Variants in OR4K17 observed in about 807,000 individuals in gnomAD.
OR4K17 encodes olfactory receptor 4K17.
For synonymous variants in OR4K17, 157 were observed against 132.8 expected, an observed-to-expected ratio of 1.18 and a Z score of -1.25; for missense variants, 480 against 366.3, an observed-to-expected ratio of 1.31 and a Z score of -2.53.
At chr14:20,110,988 G>A (rs921098952) in intron 1 of OR4K17, 96 bp downstream of exon 1, 1 of 151,990 alleles carries the variant, frequency 6.6e-6, no homozygotes, top group African/African-American at 2.4e-5. Flanking sequence ...GTTATAATCA[G>A]TCATGAAAAA....
At chr14:20,117,410 G>A in intron 1 of OR4K17, 58 bp from the exon 2 acceptor site, 1 of 1,578,140 alleles carries the variant, frequency 6.3e-7, no homozygotes, top group East Asian at 2.2e-5. Flanking sequence ...TTTTCATATG[G>A]CTCTTTATTT....
At chr14:20,112,778 T>C (rs1877909326) in intron 1 of OR4K17, among the ~76,000 whole-genome samples, 2 of 152,038 alleles carry the variant, frequency 1.3e-5, no homozygotes, top group Non-Finnish European at 1.5e-5. Context: ...GAGAATTATA[T>C]AAAAATCGAG....
At chr14:20,117,225 T>C (rs1053791640) in intron 1 of OR4K17, among the ~76,000 whole-genome samples, 1 of 152,204 alleles carries the variant, frequency 6.6e-6, no homozygotes, top group Non-Finnish European at 1.5e-5. Flanking sequence ...GATACACTTA[T>C]ATGCTCCAGA....
chr14:20,114,934 T>C (rs769333424), intron 1 of OR4K17, among the ~76,000 whole-genome samples: 1 of 152,006 alleles, frequency 6.6e-6, no homozygotes, highest in African/African-American at 2.4e-5. Context: ...TAAAATAGGG[T>C]TAATAAAAAC....
At position 20,117,477 on chromosome 14, in the gene OR4K17, G is replaced by C; in HGVS notation, c.-23G>C. 1 of 1,613,304 alleles carries C rather than the reference G, an allele frequency of 6.2e-7. No homozygotes were observed. Among genetic ancestry groups the C allele is most frequent in the Non-Finnish European group, 8.5e-7 (1 of 1,179,352 alleles). On this transcript the variant is annotated 5_prime_UTR_variant, in exon 2 of 2. Coordinates refer to ENST00000641386, the MANE Select transcript of OR4K17 (RefSeq NM_001004715.5). The stretch of plus-strand genomic sequence containing the variant: ...TTCTTTCTCTCTACAGGTCATCCAA[G>C]AGCGAGCTGTAGGATGGAGGCCATG...
intron 1 of OR4K17, among the ~76,000 whole-genome samples, chr14:20,111,627 T>C (rs1877885254): frequency 6.6e-6 from 1 of 152,028 alleles, no homozygotes; most frequent in African/African-American, 2.4e-5. Context: ...TTTGGTGTTA[T>C]TGTCGTTAAT....
chr14:20,113,555 TACTC>T (rs1406590937), intron 1 of OR4K17, among the ~76,000 whole-genome samples: 3 of 152,112 alleles, frequency 2.0e-5, no homozygotes, highest in East Asian at 3.8e-4. Flanking sequence ...TTAATTTAAA[TACTC>T]AATTTGTCTA....
chr14:20,112,318 G>A (rs1453716360), intron 1 of OR4K17, among the ~76,000 whole-genome samples: 1 of 152,054 alleles, frequency 6.6e-6, no homozygotes, highest in Admixed American at 6.6e-5. Flanking sequence ...CAGATATCCA[G>A]GAAAGACATT....
chr14:20,118,064 T>C lies in OR4K17; in HGVS notation c.565T>C (p.Cys189Arg), dbSNP rs981497032. 2 of 1,614,194 alleles carry C rather than the reference T, an allele frequency of 1.2e-6. No individual in the cohort carries two copies. Among genetic ancestry groups the C allele is most frequent in the Non-Finnish European group, 1.7e-6 (2 of 1,180,022 alleles). The change falls in exon 2 of 2, where the codon TGT (cysteine) becomes CGT (arginine). Residue 189 changes from cysteine to arginine, a missense_variant. Transcript: ENST00000641386. ...CDLPLVTKLA[C>R]IDIYFVQVVI... Reference sequence around the variant, plus strand: ...CCTCCCTTTGGTTACTAAGCTTGCCTGTATAGACATATATTTTGTACAGGT... The same window carrying C: ...CCTCCCTTTGGTTACTAAGCTTGCCCGTATAGACATATATTTTGTACAGGT...
chr14:20,114,279 G>A (rs1265370127), intron 1 of OR4K17, among the ~76,000 whole-genome samples: 1 of 151,806 alleles, frequency 6.6e-6, no homozygotes, highest in African/African-American at 2.4e-5. Context: ...TTTTTTGGAG[G>A]TGTGTCTAAA....
At chr14:20,116,965 G>T (rs902528421) in intron 1 of OR4K17, among the ~76,000 whole-genome samples, 10 of 152,150 alleles carry the variant, frequency 6.6e-5, no homozygotes, top group Admixed American at 5.2e-4. Flanking sequence ...CTTATCTAGA[G>T]CAGCTTTAAA....
At position 20,117,590 on chromosome 14, in the gene OR4K17, T is replaced by G; in HGVS notation, c.91T>G (p.Phe31Val). The G allele has an allele frequency of 6.2e-7, 1 of 1,614,010 alleles. No homozygotes were observed. Among genetic ancestry groups the G allele is most frequent in the South Asian group, 1.1e-5 (1 of 91,058 alleles). The change falls in exon 2 of 2, where the codon TTC becomes GTC. Residue 31 changes from phenylalanine to valine, a missense_variant. By Grantham distance (50) the Phe-to-Val change is conservative. Transcript: ENST00000641386. ...TGTAGAGTTTCTTCTCTTTGCCCTC[T>G]TCTCGGTTATCTATGTGGTCACAGT... Reference protein sequence around the residue: ...QDVEFLLFALFSVIYVVTVLG... With the variant: ...QDVEFLLFALVSVIYVVTVLG...
chr14:20,118,172 A>G lies in OR4K17; in HGVS notation c.673A>G (p.Ile225Val), dbSNP rs878871184. The change falls in exon 2 of 2, where the codon ATT (isoleucine) becomes GTT (valine). Residue 225 changes from isoleucine to valine, a missense_variant. By Grantham distance (29) the Ile-to-Val change is conservative. Coordinates refer to ENST00000641386, the MANE Select transcript of OR4K17 (RefSeq NM_001004715.5). ...LISYSLILIT[I>V]KNHSPTGQSK... ...CTCCTACAGTCTGATCCTCATAACC[A>G]TTAAGAACCACTCTCCTACTGGGCA... 1.9e-6 allele frequency: 3 copies of G among 1,614,022 alleles called. No homozygotes were observed. The highest frequency in any genetic ancestry group is 3.3e-5 in the Admixed American group (2 of 59,982).
At position 20,118,341 on chromosome 14, in the gene OR4K17, T is replaced by C. The variant is rs926920087; in HGVS notation, c.842T>C (p.Ile281Thr). ...GTGTTTTATACCATCATCACTCCTA[T>C]CTTGAATCCAATTATCTATACTCTG... Reference protein sequence around the residue: ...LAVFYTIITPILNPIIYTLRN... With the variant: ...LAVFYTIITPTLNPIIYTLRN... Residue 281 changes from isoleucine to threonine, a missense_variant, in exon 2 of 2, where the codon ATC becomes ACC. By Grantham distance (89) the Ile-to-Thr change is moderately conservative (BLOSUM62 -1). Coordinates refer to ENST00000641386, the MANE Select transcript of OR4K17 (RefSeq NM_001004715.5). 1 of 1,612,236 alleles carries C rather than the reference T, an allele frequency of 6.2e-7. No individual in the cohort carries two copies. Among genetic ancestry groups the C allele is most frequent in the Non-Finnish European group, 8.5e-7 (1 of 1,178,352 alleles).
At position 20,117,845 on chromosome 14, in the gene OR4K17, G is replaced by T; in HGVS notation, c.346G>T (p.Val116Phe). The stretch of plus-strand genomic sequence containing the variant: ...GGGTGGGGTTGAAATGGTACTGTTG[G>T]TCTCCATGGCTTTTGACAGATATGT... Reference protein sequence around the residue: ...LLGGVEMVLLVSMAFDRYVAI... With the variant: ...LLGGVEMVLLFSMAFDRYVAI... The change falls in exon 2 of 2, where the codon GTC becomes TTC. Residue 116 changes from valine to phenylalanine, a missense_variant. Val to Phe is a conservative substitution (Grantham distance 50). Transcript: ENST00000641386. The T allele has an allele frequency of 5.0e-6, 8 of 1,613,954 alleles. No homozygotes were observed. Among genetic ancestry groups the T allele is most frequent in the South Asian group, 2.2e-5 (2 of 91,074 alleles).
chr14:20,118,074 T>C lies in OR4K17; in HGVS notation c.575T>C (p.Ile192Thr), dbSNP rs771087579. Residue 192 changes from isoleucine (I) to threonine (T), a missense_variant, in exon 2 of 2, where the codon ATA (isoleucine) becomes ACA (threonine). By Grantham distance (89) the Ile-to-Thr change is moderately conservative. Transcript: ENST00000641386. ...GTTACTAAGCTTGCCTGTATAGACA[T>C]ATATTTTGTACAGGTAGTCATTGTT... The part of the protein sequence containing the change: ...PLVTKLACID[I>T]YFVQVVIVAN... 1 of 1,614,106 alleles carries C rather than the reference T, an allele frequency of 6.2e-7. No individual in the cohort carries two copies. Among genetic ancestry groups the C allele is most frequent in the South Asian group, 1.1e-5 (1 of 91,078 alleles).
At position 20,121,092 on chromosome 14, in the gene OR4K17, G is replaced by A. The variant is rs1019409864; in HGVS notation, c.*2654G>A. The A allele has an allele frequency of 2.0e-5, 3 of 152,160 alleles. No homozygotes were observed. Among genetic ancestry groups the A allele is most frequent in the Non-Finnish European group, 2.9e-5 (2 of 68,068 alleles). 9.4% of individuals were successfully genotyped at this position (152,160 alleles called of 1,614,324 possible). A position where few individuals can be genotyped will look rare whatever the true frequency, so the allele number is the denominator to read the frequency against. ...CCAATCCCCTCACACCTCCATACAG[G>A]GGAAGTTCTTTCTGTACTGAAACCA... is the stretch of plus-strand genomic sequence containing the variant. On this transcript the variant is annotated 3_prime_UTR_variant, in exon 2 of 2. Coordinates refer to ENST00000641386, the MANE Select transcript of OR4K17 (RefSeq NM_001004715.5).
chr14:20,118,515 G>C lies in OR4K17; in HGVS notation c.*77G>C, dbSNP rs1240689054. The C allele has an allele frequency of 1.9e-5, 15 of 788,158 alleles. No homozygotes were observed. In the Admixed American group the frequency reaches 3.3e-4, roughly 17 times the overall value. The allele number at this position is 788,158 out of a possible 1,614,324, so 48.8% of individuals were successfully genotyped here. A position where few individuals can be genotyped will look rare whatever the true frequency, so the allele number is the denominator to read the frequency against. On this transcript the variant is annotated 3_prime_UTR_variant, in exon 2 of 2. Transcript: ENST00000641386. Reference sequence around the variant, plus strand: ...CCACACTTTGGGAGGAATATCAGGGGAACCAGCCCCCAATATTTCAACATA... The same window carrying C: ...CCACACTTTGGGAGGAATATCAGGGCAACCAGCCCCCAATATTTCAACATA...
Position 20,117,808 on chromosome 14 carries a change from C to G in OR4K17, c.309C>G (p.Leu103=). 6.2e-7 allele frequency: 1 copy of G among 1,614,114 alleles called. No homozygotes were observed. Among genetic ancestry groups the G allele is most frequent in the Non-Finnish European group, 8.5e-7 (1 of 1,180,006 alleles). Residue 103 remains leucine (L), a synonymous_variant, in exon 2 of 2, where the codon CTC becomes CTG. Transcript: ENST00000641386. ...CTGGGTGCTTCACTCAGATATTTCTCCTTCACTTACTGGGTGGGGTTGAAA... is the reference window on the plus strand; with the variant it reads ...CTGGGTGCTTCACTCAGATATTTCTGCTTCACTTACTGGGTGGGGTTGAAA... ...SFAGCFTQIF[L]LHLLGGVEMV...
Sources: gnomAD v4.1 joint callset for allele counts (sites outside exome capture counted in the v4.1 genomes callset) on GRCh38, gnomAD v4.1.1 for gene constraint, MANE v1.5 for transcripts, NCBI Gene and HGNC (gene_info 2026-07-23, HGNC 2026-07-21) for gene names.